The following SLC37A3 variants were observed in gnomAD, a reference collection of about 807,000 sequenced individuals.
SLC37A3 encodes sugar phosphate exchanger 3.
A neutral mutation model predicts 67.1 loss-of-function variants in SLC37A3; 51 were observed. That is an observed-to-expected ratio of 0.76 (90% confidence interval 0.61 to 0.96). SLC37A3 has a LOEUF of 0.96. Ranked by LOEUF, SLC37A3 falls within the 40% of genes least tolerant of loss-of-function variation. SLC37A3 has a pLI of 0.00. For synonymous variants in SLC37A3, 214 were observed against 231.4 expected (o/e 0.92, Z 0.68); for missense variants, 508 against 603.0 (o/e 0.84, Z 1.65).
chr7:140,369,133 C>T (rs1005383068), intron 4 of SLC37A3, among the ~76,000 whole-genome samples: 7 of 152,122 alleles, frequency 4.6e-5, no homozygotes, highest in African/African-American at 7.2e-5. Flanking sequence ...CCAAGCACAC[C>T]GACTCGCTCA....
At chr7:140,358,860 G>A in intron 5 of SLC37A3, 75 bp from the exon 6 acceptor site, 1 of 1,570,884 alleles carries the variant, frequency 6.4e-7, no homozygotes. Flanking sequence ...CTACCCACTT[G>A]CTTCAGAGTA....
intron 1 of SLC37A3, among the ~76,000 whole-genome samples, chr7:140,386,082 C>CTTATTTAT (rs537844890): frequency 4.6e-5 from 7 of 151,710 alleles, no homozygotes; most frequent in Non-Finnish European, 7.4e-5. Flanking sequence ...CATGCCTGGC[C>CTTATTTAT]TTATTTATTT....
intron 1 of SLC37A3, 129 bp from the exon 2 acceptor site, chr7:140,382,725 C>G: frequency 2.3e-6 from 1 of 436,760 alleles, no homozygotes; most frequent in Non-Finnish European, 4.1e-6. Context: ...CTAGTTGACA[C>G]CAGAAAACTG....
chr7:140,388,744 G>A (rs777346777), intron 1 of SLC37A3, among the ~76,000 whole-genome samples: 3 of 151,998 alleles, frequency 2.0e-5, no homozygotes, highest in Non-Finnish European at 2.9e-5. Context: ...CTGAGAGGCA[G>A]AGGTTGCAGT....
chr7:140,352,302 G>A (rs770721568), intron 7 of SLC37A3, 156 bp from the exon 8 acceptor site: 11 of 633,608 alleles, frequency 1.7e-5, no homozygotes, highest in Admixed American at 5.6e-5. Context: ...TGGGCCGGGC[G>A]CCATGCAAAG....
chr7:140,360,481 C>T (rs1357195993), intron 5 of SLC37A3, among the ~76,000 whole-genome samples: 1 of 152,072 alleles, frequency 6.6e-6, no homozygotes, highest in Non-Finnish European at 1.5e-5. Context: ...CCCCTGTAAT[C>T]CCAGCACTTT....
chr7:140,373,836 C>T (rs552398763), intron 3 of SLC37A3, among the ~76,000 whole-genome samples: 1 of 152,154 alleles, frequency 6.6e-6, no homozygotes, highest in East Asian at 1.9e-4. Flanking sequence ...CCGCAACACA[C>T]TGAATTCAAA....
chr7:140,346,006 T>C (rs1434293799), intron 10 of SLC37A3, 36 bp from the exon 11 acceptor site: 5 of 1,507,528 alleles, frequency 3.3e-6, no homozygotes, highest in Non-Finnish European at 4.6e-6. Flanking sequence ...AAATCACTTC[T>C]AATTTAGCTC....
Position 140,335,521 on chromosome 7 carries a change from G to C in SLC37A3, c.1393-17C>G. ...ACAACTTGTCTGTAAAGAGAAAATA[G>C]TATTAAATATGCAGCAACAGTTTAC... On this transcript the variant is annotated splice_polypyrimidine_tract_variant and intron_variant, in intron 14 of 14. Transcript: ENST00000326232. 2 of 1,609,282 alleles carry C rather than the reference G, an allele frequency of 1.2e-6. No individual in the cohort carries two copies. The highest frequency in any genetic ancestry group is 1.1e-5 in the South Asian group (1 of 91,042).
chr7:140,381,922 G>A (rs1798269172), intron 2 of SLC37A3, among the ~76,000 whole-genome samples: 1 of 150,986 alleles, frequency 6.6e-6, no homozygotes, highest in Non-Finnish European at 1.5e-5. Flanking sequence ...GCTGAGGCAG[G>A]AGAATAGCTT....
rs190770783 is a variant in SLC37A3, at chr7:140,377,760, G to T, written c.198+2522C>A. On this transcript the variant is annotated intron_variant, in intron 3 of 14. Coordinates refer to ENST00000326232, the MANE Select transcript of SLC37A3 (RefSeq NM_207113.3). ...CAAAATATTTTTTTAGCTGGCCATG[G>T]TGGCATACACCTGTAGTCCCAGCTA... is the stretch of plus-strand genomic sequence containing the variant. Among the ~76,000 whole-genome samples, 66 of 152,154 alleles carry T rather than the reference G, an allele frequency of 4.3e-4. No homozygotes were observed. In the East Asian group the frequency reaches 0.012, roughly 28 times the overall value.
chr7:140,337,554 C>A, intron 13 of SLC37A3: 1 of 401,136 alleles, frequency 2.5e-6, no homozygotes, highest in Non-Finnish European at 4.5e-6. Flanking sequence ...ATGGAAAAAC[C>A]GTATAATAGA....
At chr7:140,394,762 C>T (rs1469133054) in intron 1 of SLC37A3, among the ~76,000 whole-genome samples, 1 of 151,466 alleles carries the variant, frequency 6.6e-6, no homozygotes, top group Non-Finnish European at 1.5e-5. Context: ...GCATGCACCA[C>T]CACGTCCAGC....
rs368015834 is a variant in SLC37A3, at chr7:140,374,452, G to A, written c.199-4770C>T. 1.6e-4 allele frequency among the ~76,000 whole-genome samples: 24 copies of A among 150,372 alleles called. 1 individual carries two copies. The highest frequency in any genetic ancestry group is 1.2e-3 in the East Asian group (6 of 5,080). On this transcript the variant is annotated intron_variant, in intron 3 of 14. Transcript: ENST00000326232. ...GCAGAGGATGCAGTAAGCTGAGATC[G>A]CGCCACTGTACTCCAGCCTGGGCGA...
intron 6 of SLC37A3, among the ~76,000 whole-genome samples, chr7:140,356,106 A>T (rs1585286804): frequency 6.6e-6 from 1 of 151,946 alleles, no homozygotes; most frequent in African/African-American, 2.4e-5. Flanking sequence ...AGGCAAGAGA[A>T]TAGCTTGAAC....
rs756014183 is a variant in SLC37A3, at chr7:140,343,566, G to A, written c.1175-3C>T. 4 of 1,613,872 alleles carry A rather than the reference G, an allele frequency of 2.5e-6. No homozygotes were observed. The African/African-American group carries it at 4.0e-5, about 16-fold the overall frequency. Reference sequence around the variant, plus strand: ...AGAAGGTCCACCAATAAAAAATCCTGAAGTCATAAACAGGTTCTTATTAAA... The same window carrying A: ...AGAAGGTCCACCAATAAAAAATCCTAAAGTCATAAACAGGTTCTTATTAAA... On this transcript the variant is annotated splice_polypyrimidine_tract_variant and splice_region_variant and intron_variant, in intron 12 of 14. Transcript: ENST00000326232.
chr7:140,369,752 C>T (rs1304844098), intron 3 of SLC37A3, 70 bp from the exon 4 acceptor site: 23 of 1,237,320 alleles, frequency 1.9e-5, no homozygotes, highest in Non-Finnish European at 2.7e-5. Context: ...CCCAAAGCCC[C>T]TTCACAAACA....
intron 5 of SLC37A3, among the ~76,000 whole-genome samples, chr7:140,359,342 CA>C (rs11389043): frequency 0.021 from 2,404 of 116,812 alleles, 43 homozygotes; most frequent in South Asian, 0.06. Context: ...GACTCTGTCT[CA>C]AAAAAAAAAA....
intron 7 of SLC37A3, among the ~76,000 whole-genome samples, chr7:140,352,741 C>T (rs879056867): frequency 2.6e-5 from 4 of 152,030 alleles, no homozygotes; most frequent in Admixed American, 6.6e-5. Flanking sequence ...GCTTACTGCA[C>T]GACTCAAGGA....
Sources: allele counts gnomAD v4.1 joint callset (sites outside exome capture counted in the v4.1 genomes callset), GRCh38; gene constraint gnomAD v4.1.1; transcripts MANE v1.5; gene names NCBI Gene and HGNC (gene_info 2026-07-23, HGNC 2026-07-21).